RNLS: variants seen among roughly 807,000 people sequenced by gnomAD.
RNLS encodes renalase.
In RNLS, 39 loss-of-function variants were observed where a neutral mutation model predicts 39.8. The ratio of observed to expected loss-of-function variants is 0.98; its 90% confidence interval spans 0.76 to 1.28. The LOEUF is 1.28. RNLS is among the 50% of genes most tolerant of loss of function. RNLS has a pLI of 0.00. For synonymous variants in RNLS, 147 were observed against 150.7 expected (o/e 0.98, Z 0.18); for missense variants, 410 against 413.3 (o/e 0.99, Z 0.07).
intron 4 of RNLS, among the ~76,000 whole-genome samples, chr10:88,569,559 G>C (rs1246586580): frequency 6.6e-6 from 1 of 152,136 alleles, no homozygotes; most frequent in Admixed American, 6.6e-5. Context: ...TTGAAAATAA[G>C]TAAGTTGATA....
chr10:88,284,961 T>C lies in RNLS; in HGVS notation c.*393A>G, dbSNP rs1018308538. 5.5e-4 allele frequency: 542 copies of C among 988,586 alleles called. 1 individual carries two copies. Among genetic ancestry groups the C allele is most frequent in the Non-Finnish European group, 6.4e-4 (531 of 832,242 alleles). The allele number at this position is 988,586 out of a possible 1,614,324, so 61.2% of individuals were successfully genotyped here. A position where few individuals can be genotyped will look rare whatever the true frequency, so the allele number is the denominator to read the frequency against. On this transcript the variant is annotated 3_prime_UTR_variant, in exon 7 of 7. Coordinates refer to ENST00000331772, the MANE Select transcript of RNLS (RefSeq NM_001031709.3). ...CAAGGACACATCCGAAGACTTAAGA[T>C]GGGGCTTTGATAATGTGATTATTCT...
chr10:88,187,812 C>T, the RNLS span, among the ~76,000 whole-genome samples: 3 of 152,124 alleles, frequency 2.0e-5, no homozygotes, highest in African/African-American at 7.2e-5. Context: ...CTCTTTTTCC[C>T]GATTTACCTT....
chr10:88,183,313 C>G, the RNLS span, among the ~76,000 whole-genome samples: 10 of 152,120 alleles, frequency 6.6e-5, no homozygotes, highest in Non-Finnish European at 1.0e-4. Context: ...TGAAATTGCT[C>G]TAATAGAATT....
At chr10:88,253,330 G>A in the RNLS span, among the ~76,000 whole-genome samples, 1 of 152,134 alleles carries the variant, frequency 6.6e-6, no homozygotes, top group Admixed American at 6.5e-5. Flanking sequence ...ATCCCTGAGG[G>A]AAACATTAGA....
intron 4 of RNLS, among the ~76,000 whole-genome samples, chr10:88,481,976 A>AT (rs199955883): frequency 1.3e-4 from 19 of 151,310 alleles, no homozygotes; most frequent in Admixed American, 2.0e-4. Flanking sequence ...TTCTTCGTTG[A>AT]TTTTTTTTTC....
At chr10:88,499,578 T>A (rs1226364169) in intron 4 of RNLS, among the ~76,000 whole-genome samples, 1 of 152,104 alleles carries the variant, frequency 6.6e-6, no homozygotes, top group Non-Finnish European at 1.5e-5. Flanking sequence ...CAGGATGCAT[T>A]CTCCCCCTCT....
chr10:88,316,803 A>T (rs1269845689), intron 5 of RNLS, among the ~76,000 whole-genome samples: 6 of 152,298 alleles, frequency 3.9e-5, no homozygotes, highest in African/African-American at 1.4e-4. Flanking sequence ...TTTTATTTGA[A>T]TTGTACATTT....
intron 4 of RNLS, among the ~76,000 whole-genome samples, chr10:88,540,640 T>A (rs1241240274): frequency 6.6e-6 from 1 of 152,108 alleles, no homozygotes; most frequent in Non-Finnish European, 1.5e-5. Flanking sequence ...TGGCTTCAAG[T>A]TCCCAAATCT....
At chr10:88,578,974 T>C (rs969184769) in intron 3 of RNLS, among the ~76,000 whole-genome samples, 1 of 152,152 alleles carries the variant, frequency 6.6e-6, no homozygotes, top group Non-Finnish European at 1.5e-5. Context: ...TATATATGCA[T>C]GTGTAGGGGT....
At chr10:88,505,596 A>G (rs1026811706) in intron 4 of RNLS, among the ~76,000 whole-genome samples, 2 of 152,258 alleles carry the variant, frequency 1.3e-5, no homozygotes, top group East Asian at 3.9e-4. Flanking sequence ...AAGAATAATG[A>G]CAATTAATTC....
chr10:88,494,640 T>G (rs1564846202), intron 4 of RNLS, among the ~76,000 whole-genome samples: 1 of 152,102 alleles, frequency 6.6e-6, no homozygotes, highest in Non-Finnish European at 1.5e-5. Context: ...AGGAACTATT[T>G]TCAAGGAGTA....
In RNLS at chr10:88,546,210, A is replaced by G. The variant is rs1848303832; in HGVS notation, c.526+26693T>C. 2.0e-5 allele frequency among the ~76,000 whole-genome samples: 3 copies of G among 152,074 alleles called. 1 individual carries two copies. The South Asian group carries it at 6.2e-4, about 31-fold the overall frequency. ...ATATAATTCTTTAAGTATCATAAGT[A>G]TGTTTGAGTTCCCTTGGTTTATTCA... On this transcript the variant is annotated intron_variant, in intron 4 of 6. Coordinates refer to ENST00000331772, the MANE Select transcript of RNLS (RefSeq NM_001031709.3).
the RNLS span, among the ~76,000 whole-genome samples, chr10:88,262,835 G>A: frequency 1.3e-5 from 2 of 152,174 alleles, no homozygotes; most frequent in East Asian, 1.9e-4. Flanking sequence ...TGTGACTCGC[G>A]GGACATCTAG....
intron 4 of RNLS, among the ~76,000 whole-genome samples, chr10:88,531,948 A>G (rs898373040): frequency 3.9e-5 from 6 of 152,048 alleles, no homozygotes; most frequent in African/African-American, 1.4e-4. Context: ...AGTAATCCCT[A>G]CAATTAGATG....
intron 4 of RNLS, among the ~76,000 whole-genome samples, chr10:88,424,775 AGG>A (rs1854628029): frequency 6.6e-6 from 1 of 152,140 alleles, no homozygotes; most frequent in African/African-American, 2.4e-5. Flanking sequence ...ATGCAGAGTA[AGG>A]AAAATGCATA....
chr10:88,437,578 C>T (rs1841483054), intron 4 of RNLS, among the ~76,000 whole-genome samples: 1 of 152,098 alleles, frequency 6.6e-6, no homozygotes, highest in Admixed American at 6.6e-5. Flanking sequence ...GAAGCCTTCC[C>T]AATTCTTATT....
chr10:88,234,555 T>C, the RNLS span, among the ~76,000 whole-genome samples: 2 of 152,216 alleles, frequency 1.3e-5, no homozygotes, highest in African/African-American at 4.8e-5. Flanking sequence ...TATTGTGTCC[T>C]GTACTCTAAA....
At chr10:88,472,563 T>C (rs1407901516) in intron 4 of RNLS, among the ~76,000 whole-genome samples, 1 of 152,184 alleles carries the variant, frequency 6.6e-6, no homozygotes, top group Non-Finnish European at 1.5e-5. Context: ...TTCCTAGGAA[T>C]ATAAGCTTCT....
chr10:88,189,924 A>G, the RNLS span, among the ~76,000 whole-genome samples: 1 of 152,202 alleles, frequency 6.6e-6, no homozygotes, highest in Admixed American at 6.5e-5. Context: ...TATTTAAAAT[A>G]CTGACTGAGT....
Sources: gnomAD v4.1 joint callset for allele counts (sites outside exome capture counted in the v4.1 genomes callset) on GRCh38, gnomAD v4.1.1 for gene constraint, MANE v1.5 for transcripts, NCBI Gene and HGNC (gene_info 2026-07-23, HGNC 2026-07-21) for gene names.